Variants in ACTN2 observed in about 807,000 individuals in gnomAD.
ACTN2 encodes actinin alpha 2, also known as alpha-actinin-2.
Under a neutral mutation model 113.8 loss-of-function variants are expected in ACTN2, and 39 were observed. The ratio of observed to expected loss-of-function variants is 0.34; its 90% CI spans 0.27 to 0.45. The LOEUF (loss-of-function observed/expected upper bound fraction) is 0.45. ACTN2 is among the 20% of genes least tolerant of loss of function. The probability of loss-of-function intolerance (pLI) is 1.00; values close to 1 mark genes in which losing one functional copy is unlikely to be tolerated. For missense variants in ACTN2, 992 were observed against 1,177.9 expected, an observed-to-expected ratio of 0.84 and a Z score of 2.31; for synonymous variants, 429 against 444.1, an observed-to-expected ratio of 0.97 and a Z score of 0.43.
rs185487359 is a variant in ACTN2, at chr1:236,723,390, G to A, written c.449-2543G>A. Among the ~76,000 whole-genome samples, 117 of 152,226 alleles carry A rather than the reference G, an allele frequency of 7.7e-4. 1 individual carries two copies. Among genetic ancestry groups the A allele is most frequent in the African/African-American group, 2.8e-3 (115 of 41,554 alleles). On this transcript the variant is annotated intron_variant, in intron 4 of 20. Coordinates refer to ENST00000366578, the MANE Select transcript of ACTN2 (RefSeq NM_001103.4). ...CAAGTTATAGCACATGGAACTTTAG[G>A]GGTGTGTGTATTTTATCTGGGTTAT...
In ACTN2 at chr1:236,754,218, G is replaced by A. The variant is rs559428665; in HGVS notation, c.1974+137G>A. 46 of 1,195,394 alleles carry A rather than the reference G, an allele frequency of 3.8e-5. No homozygotes were observed. The highest frequency in any genetic ancestry group is 3.2e-4 in the East Asian group (13 of 40,494). The allele number at this position is 1,195,394 out of a possible 1,614,324, so 74.0% of individuals were successfully genotyped here. On this transcript the variant is annotated intron_variant, in intron 16 of 20. Coordinates refer to ENST00000366578, the MANE Select transcript of ACTN2 (RefSeq NM_001103.4). This position sits in a 1 kb window ranked among gnomAD's most constrained non-coding sequence, Gnocchi z 4.9. ...GGGAGCACCGTTCTGTTATCACCCC[G>A]GCTTTATCTTTCAGCCCCTGGCTGT...
Position 236,762,675 on chromosome 1 carries a change from A to G in ACTN2, c.*56A>G, listed in dbSNP as rs1659747116. On this transcript the variant is annotated 3_prime_UTR_variant, in exon 21 of 21. Coordinates refer to ENST00000366578, the MANE Select transcript of ACTN2 (RefSeq NM_001103.4). ...AGAATGCAATAAAAGCGGAAGTCAC[A>G]GTTTGTTTCCTGGAAACTTTGACAA... 3.2e-6 allele frequency: 5 copies of G among 1,587,024 alleles called. No individual in the cohort carries two copies. In the South Asian group the frequency reaches 3.4e-5, roughly 11 times the overall value.
chr1:236,749,337 T>C (rs1659328390), intron 14 of ACTN2, 73 bp downstream of exon 14: 4 of 1,590,858 alleles, frequency 2.5e-6, no homozygotes, highest in South Asian at 1.1e-5. Flanking sequence ...AGTCCTGTTA[T>C]TTGGTTTCTT....
chr1:236,718,167 T>C (rs1658276956), intron 2 of ACTN2, among the ~76,000 whole-genome samples, 195 bp downstream of exon 2: 1 of 152,186 alleles, frequency 6.6e-6, no homozygotes, highest in Non-Finnish European at 1.5e-5. Flanking sequence ...GAATTCTCTT[T>C]AAAAATCACT....
Position 236,739,427 on chromosome 1 carries a change from G to C in ACTN2, c.1002G>C (p.Lys334Asn). The C allele has an allele frequency of 1.2e-6, 2 of 1,614,082 alleles. No homozygotes were observed. Among genetic ancestry groups the C allele is most frequent in the Non-Finnish European group, 1.7e-6 (2 of 1,180,034 alleles). ...ACCGCCGGAAGCACAAGCCACCCAA[G>C]GTGCAGGAGAAATGCCAGCTGGAGA... The part of the protein sequence containing the change: ...RDYRRKHKPP[K>N]VQEKCQLEIN... Residue 334 changes from lysine (K) to asparagine (N), a missense_variant, in exon 10 of 21, where the codon AAG (lysine) becomes AAC (asparagine). Around this residue, in one of 3 missense-constraint regions of ACTN2, gnomAD observed 736 missense variants for 815.4 expected, o/e 0.90. Transcript: ENST00000366578.
intron 15 of ACTN2, among the ~76,000 whole-genome samples, chr1:236,752,929 AG>A (rs1659443151): frequency 6.6e-6 from 1 of 152,226 alleles, no homozygotes; most frequent in South Asian, 2.1e-4. Context: ...TTTTTGTTAA[AG>A]AAAACAAAAA....
At position 236,755,068 on chromosome 1, in the gene ACTN2, T is replaced by C. The variant is rs531480370; in HGVS notation, c.2024T>C (p.Met675Thr). Residue 675 changes from methionine to threonine, a missense_variant, in exon 17 of 21, where the codon ATG (methionine) becomes ACG (threonine). Coordinates refer to ENST00000366578, the MANE Select transcript of ACTN2 (RefSeq NM_001103.4). ...ATCACAGGAGCCCTGGAAGACCAGA[T>C]GAACCAGCTGAAGCAGTATGAGCAC... ...IQITGALEDQ[M>T]NQLKQYEHNI... 8.7e-6 allele frequency: 14 copies of C among 1,614,098 alleles called. No homozygotes were observed. Among genetic ancestry groups the C allele is most frequent in the African/African-American group, 4.0e-5 (3 of 74,944 alleles).
chr1:236,746,998 G>C (rs1278361147), intron 12 of ACTN2, among the ~76,000 whole-genome samples: 1 of 152,196 alleles, frequency 6.6e-6, no homozygotes, highest in Non-Finnish European at 1.5e-5. Context: ...AGGACACAAT[G>C]TGGCGCAGGC....
chr1:236,709,253 T>C (rs12130358), intron 1 of ACTN2, among the ~76,000 whole-genome samples: 8,399 of 70,048 alleles, frequency 0.12, 481 homozygotes, highest in Middle Eastern at 0.16. Context: ...TATATATATA[T>C]ATACACACAC....
intron 1 of ACTN2, among the ~76,000 whole-genome samples, chr1:236,706,390 C>T (rs1657825078): frequency 6.6e-6 from 1 of 152,194 alleles, no homozygotes; most frequent in Non-Finnish European, 1.5e-5. Flanking sequence ...CCCTGCTTCT[C>T]TGTGTGTCAC....
intron 12 of ACTN2, 28 bp from the exon 13 acceptor site, chr1:236,747,639 A>C: frequency 6.3e-7 from 1 of 1,589,332 alleles, no homozygotes; most frequent in Non-Finnish European, 8.6e-7. Context: ...TGGGAAAGTT[A>C]ATCTTTATTT....
intron 1 of ACTN2, among the ~76,000 whole-genome samples, chr1:236,696,221 C>T (rs530347389): frequency 3.3e-5 from 5 of 151,338 alleles, no homozygotes; most frequent in East Asian, 2.0e-4. Context: ...GCAGGAGACT[C>T]ATTGGAATTG....
At chr1:236,711,290 C>G (rs1658017513) in intron 1 of ACTN2, among the ~76,000 whole-genome samples, 1 of 152,210 alleles carries the variant, frequency 6.6e-6, no homozygotes, top group Non-Finnish European at 1.5e-5. Flanking sequence ...CTGTTGAACA[C>G]TGTTTTCCTT....
chr1:236,688,569 A>G (rs1572088384), intron 1 of ACTN2, among the ~76,000 whole-genome samples: 2 of 152,348 alleles, frequency 1.3e-5, no homozygotes, highest in Middle Eastern at 6.8e-3. Flanking sequence ...CACTTGAAGT[A>G]AAGTTGATTA....
chr1:236,699,308 G>A (rs1657606995), intron 1 of ACTN2, among the ~76,000 whole-genome samples: 1 of 152,164 alleles, frequency 6.6e-6, no homozygotes, highest in South Asian at 2.1e-4. Flanking sequence ...AACTGGGAAT[G>A]TCTGATAACA....
chr1:236,748,615 G>A (rs1659304441), intron 13 of ACTN2, among the ~76,000 whole-genome samples: 1 of 152,194 alleles, frequency 6.6e-6, no homozygotes, highest in South Asian at 2.1e-4. Context: ...AAGGCAAGAG[G>A]TGATCTGTGT....
Position 236,743,034 on chromosome 1 carries a change from T to G in ACTN2, c.1246T>G (p.Trp416Gly). 1 of 1,614,140 alleles carries G rather than the reference T, an allele frequency of 6.2e-7. No homozygotes were observed. Among genetic ancestry groups the G allele is most frequent in the Non-Finnish European group, 8.5e-7 (1 of 1,180,028 alleles). ...FRQKASTHET[W>G]AYGKEQILLQ... Reference sequence around the variant, plus strand: ...GCAGAAGGCCTCAACGCACGAGACTTGGGCTTATGGTAAGTAGACAGGAGT... The same window carrying G: ...GCAGAAGGCCTCAACGCACGAGACTGGGGCTTATGGTAAGTAGACAGGAGT... The change falls in exon 11 of 21, where the codon TGG becomes GGG. Residue 416 changes from tryptophan (W) to glycine (G), a missense_variant. Physicochemically the swap from Trp to Gly is radical, Grantham distance 184 (BLOSUM62 -2). This residue lies in a region of ACTN2 where 736 missense variants were observed against 815.4 expected (regional missense o/e 0.90). Coordinates refer to ENST00000366578, the MANE Select transcript of ACTN2 (RefSeq NM_001103.4).
rs571282547 is a variant in ACTN2 at position 236,723,230 on chromosome 1, C to T, written c.449-2703C>T. Among the ~76,000 whole-genome samples, 10 of 152,276 alleles carry T rather than the reference C, an allele frequency of 6.6e-5. No individual in the cohort carries two copies. The South Asian group carries it at 8.3e-4, about 13-fold the overall frequency. ...ATTTCATTGGTCAGGACTGCAAAGA[C>T]AGGCAGAACAACTGGCTGTGGAGTT... On this transcript the variant is annotated intron_variant, in intron 4 of 20. Coordinates refer to ENST00000366578, the MANE Select transcript of ACTN2 (RefSeq NM_001103.4).
rs776079969 is a variant in ACTN2, at chr1:236,726,040, G to A, written c.536+20G>A. On this transcript the variant is annotated intron_variant, in intron 5 of 20. Coordinates refer to ENST00000366578, the MANE Select transcript of ACTN2 (RefSeq NM_001103.4). The stretch of plus-strand genomic sequence containing the variant: ...TACTAGGTGAGCACCCAGGGCCCCT[G>A]GTCCTTGTATTCTCAGTGGAATCTG... 6.2e-7 allele frequency: 1 copy of A among 1,601,652 alleles called. No homozygotes were observed. The highest frequency in any genetic ancestry group is 8.6e-7 in the Non-Finnish European group (1 of 1,168,692).
Sources: allele counts gnomAD v4.1 joint callset (sites outside exome capture counted in the v4.1 genomes callset), GRCh38; gene constraint gnomAD v4.1.1; regional missense constraint gnomAD v4.1.1; non-coding constraint Gnocchi (gnomAD v3.1); transcripts MANE v1.5; gene names NCBI Gene and HGNC (gene_info 2026-07-23, HGNC 2026-07-21).